The following CACNA2D3 variants were observed in gnomAD, a reference collection of about 807,000 sequenced individuals.
CACNA2D3 encodes voltage-dependent calcium channel subunit alpha-2/delta-3.
A neutral mutation model predicts 160.6 loss-of-function variants in CACNA2D3; 60 were observed. That is an observed-to-expected ratio of 0.37 (90% CI 0.30 to 0.46). CACNA2D3 has a LOEUF of 0.46. Ranked by LOEUF, CACNA2D3 falls within the 20% of genes least tolerant of loss-of-function variation. The pLI is 1.00. For missense variants in CACNA2D3, 1,205 were observed against 1,365.0 expected (o/e 0.88, Z 1.85); for synonymous variants, 558 against 492.9 (o/e 1.13, Z -1.75).
chr3:54,568,042 A>G (rs935926994), intron 6 of CACNA2D3, among the ~76,000 whole-genome samples: 2 of 152,242 alleles, frequency 1.3e-5, no homozygotes, highest in African/African-American at 4.8e-5. Context: ...ACACAGTCTC[A>G]GACCTCATTG....
intron 9 of CACNA2D3, among the ~76,000 whole-genome samples, chr3:54,610,577 A>G (rs1009279497): frequency 1.3e-5 from 2 of 151,920 alleles, no homozygotes; most frequent in Admixed American, 6.6e-5. Context: ...TCTGGCTTCT[A>G]TATTTCAGAA....
At chr3:54,948,320 G>T (rs563111021) in intron 27 of CACNA2D3, among the ~76,000 whole-genome samples, 1 of 152,258 alleles carries the variant, frequency 6.6e-6, no homozygotes, top group East Asian at 1.9e-4. Flanking sequence ...CCTCACACCT[G>T]ACCTCAGTAA....
At chr3:54,557,694 G>A (rs1413560900) in intron 5 of CACNA2D3, among the ~76,000 whole-genome samples, 1 of 152,094 alleles carries the variant, frequency 6.6e-6, no homozygotes, top group Non-Finnish European at 1.5e-5. Context: ...AATTTAAGCG[G>A]GTTTTGCCGC....
intron 13 of CACNA2D3, among the ~76,000 whole-genome samples, chr3:54,791,188 C>A (rs996822277): frequency 5.9e-5 from 9 of 152,192 alleles, no homozygotes; most frequent in African/African-American, 1.7e-4. Flanking sequence ...CATCTTAGGT[C>A]CATCACCAGG....
chr3:54,549,170 G>A (rs565586844), intron 5 of CACNA2D3, among the ~76,000 whole-genome samples: 2 of 152,312 alleles, frequency 1.3e-5, no homozygotes, highest in African/African-American at 4.8e-5. Flanking sequence ...CAACAGGCCA[G>A]GCATGGTGGC....
intron 2 of CACNA2D3, among the ~76,000 whole-genome samples, chr3:54,308,390 T>A (rs115146554): frequency 0.039 from 5,915 of 152,156 alleles, 371 homozygotes; most frequent in African/African-American, 0.13. Flanking sequence ...ACGTCCAGGC[T>A]AAGGAGTTCA....
At chr3:54,159,880 T>G (rs1011309871) in intron 2 of CACNA2D3, among the ~76,000 whole-genome samples, 6 of 152,224 alleles carry the variant, frequency 3.9e-5, no homozygotes, top group Non-Finnish European at 8.8e-5. Flanking sequence ...ACACATTATT[T>G]AATCTGAAAG....
At chr3:54,783,412 C>G (rs931778675) in intron 13 of CACNA2D3, among the ~76,000 whole-genome samples, 4 of 152,042 alleles carry the variant, frequency 2.6e-5, no homozygotes, top group African/African-American at 9.7e-5. Context: ...TCAAAACCAG[C>G]CTGGCCAACA....
At chr3:54,999,948 C>T (rs1292463249) in intron 31 of CACNA2D3, among the ~76,000 whole-genome samples, 1 of 152,134 alleles carries the variant, frequency 6.6e-6, no homozygotes, top group African/African-American at 2.4e-5. Flanking sequence ...CTTCAGAGGC[C>T]GTATCTGCCT....
rs61282991 is a variant in CACNA2D3, at chr3:54,349,024, G to A, written c.321+28466G>A. 3.6e-3 allele frequency among the ~76,000 whole-genome samples: 543 copies of A among 152,224 alleles called. 14 individuals carry two copies. In the East Asian group the frequency reaches 0.062, roughly 17 times the overall value. ...ATTACAGGCATGAGCCACTGCGCCC[G>A]TCCGACTGTTACTTTTTTGATTAGC... is the stretch of plus-strand genomic sequence containing the variant. On this transcript the variant is annotated intron_variant, in intron 3 of 37. Transcript: ENST00000474759.
At chr3:54,123,160 T>TG (rs111569059) in intron 1 of CACNA2D3, among the ~76,000 whole-genome samples, 7,283 of 151,224 alleles carry the variant, frequency 0.048, 223 homozygotes, top group Admixed American at 0.097. Flanking sequence ...CTTCTTTTTT[T>TG]GGGGGGGGGA....
chr3:54,191,574 A>G lies in CACNA2D3; in HGVS notation c.204+67980A>G, dbSNP rs552087540. 2.6e-5 allele frequency among the ~76,000 whole-genome samples: 4 copies of G among 152,214 alleles called. No homozygotes were observed. In the South Asian group the frequency reaches 8.3e-4, roughly 32 times the overall value. ...CTGTGTTTTCAAGTTGAACCGACCG[A>G]GTACAAGGAAATCGGTGATACAGTC... On this transcript the variant is annotated intron_variant, in intron 2 of 37. Transcript: ENST00000474759.
intron 13 of CACNA2D3, among the ~76,000 whole-genome samples, chr3:54,767,057 T>C (rs1212225335): frequency 6.6e-6 from 1 of 151,584 alleles, no homozygotes; most frequent in African/African-American, 2.4e-5. Flanking sequence ...CCACATCTTA[T>C]TAGGATATGG....
At chr3:54,367,975 C>T (rs535012465) in intron 3 of CACNA2D3, among the ~76,000 whole-genome samples, 31 of 152,232 alleles carry the variant, frequency 2.0e-4, no homozygotes, top group Non-Finnish European at 3.7e-4. Flanking sequence ...AAGAAAAATG[C>T]GCTGTTGGTG....
intron 31 of CACNA2D3, among the ~76,000 whole-genome samples, chr3:54,996,057 T>G (rs1339845594): frequency 2.6e-5 from 4 of 152,254 alleles, no homozygotes; most frequent in Admixed American, 6.5e-5. Context: ...TTATGAATAA[T>G]AATCATAACA....
chr3:54,695,573 C>G (rs570594203), intron 11 of CACNA2D3, among the ~76,000 whole-genome samples: 4 of 152,248 alleles, frequency 2.6e-5, no homozygotes, highest in South Asian at 4.1e-4. Context: ...TACCAGTGCT[C>G]TCTTCCCCTT....
chr3:55,010,740 C>G (rs532710934), intron 34 of CACNA2D3, among the ~76,000 whole-genome samples: 34 of 152,326 alleles, frequency 2.2e-4, no homozygotes, highest in Admixed American at 2.6e-4. Flanking sequence ...CCTTTCCTTT[C>G]CCTTAAGATC....
intron 11 of CACNA2D3, among the ~76,000 whole-genome samples, chr3:54,674,236 A>C (rs1700203063): frequency 6.6e-6 from 1 of 152,170 alleles, no homozygotes; most frequent in Non-Finnish European, 1.5e-5. Context: ...GGGTTCCTTT[A>C]TTCTGCTGAT....
chr3:54,772,468 C>G (rs938728874), intron 13 of CACNA2D3, among the ~76,000 whole-genome samples: 4 of 151,334 alleles, frequency 2.6e-5, no homozygotes, highest in Admixed American at 2.6e-4. Flanking sequence ...CACATGAGAG[C>G]CAATCATTGC....
Sources: gnomAD v4.1 joint callset for allele counts (sites outside exome capture counted in the v4.1 genomes callset) on GRCh38, gnomAD v4.1.1 for gene constraint, MANE v1.5 for transcripts, NCBI Gene and HGNC (gene_info 2026-07-23, HGNC 2026-07-21) for gene names.